Variants in VAV1 observed in about 807,000 individuals in gnomAD.
VAV1 encodes the protein vav guanine nucleotide exchange factor 1.
Under a neutral mutation model 128.1 loss-of-function variants are expected in VAV1, and 33 were observed. That is an observed-to-expected ratio of 0.26 (90% CI 0.20 to 0.34). The LOEUF (loss-of-function observed/expected upper bound fraction) is 0.34. Among genes scored for constraint, VAV1 ranks in the 10% least tolerant of loss-of-function variants. The probability of loss-of-function intolerance (pLI) is 1.00; values close to 1 mark genes in which losing one functional copy is unlikely to be tolerated. For missense variants in VAV1, 715 were observed against 1,093.7 expected (o/e 0.65, Z 4.88); for synonymous variants, 394 against 409.8 (o/e 0.96, Z 0.47).
rs1304803441 is a variant in VAV1, at chr19:6,850,599, T to C, written c.2130-71T>C. The C allele has an allele frequency of 3.3e-6, 5 of 1,500,060 alleles. No individual in the cohort carries two copies. The African/African-American group carries it at 6.9e-5, about 21-fold the overall frequency. The allele number at this position is 1,500,060 out of a possible 1,614,324, so 92.9% of individuals were successfully genotyped here. ...CCCTGAAGGGGTCAAGGTTGCTTCC[T>C]CCATAACTGGGGCTTGGTGGGGAAT... On this transcript the variant is annotated intron_variant, in intron 23 of 26. Coordinates refer to ENST00000602142, the MANE Select transcript of VAV1 (RefSeq NM_005428.4).
At position 6,828,882 on chromosome 19, in the gene VAV1, G is replaced by A. The variant is rs751028226; in HGVS notation, c.1247G>A (p.Arg416Gln). The change falls in exon 13 of 27, where the codon CGG becomes CAG. Residue 416 changes from arginine to glutamine, a missense_variant. Physicochemically the swap from Arg to Gln is conservative, Grantham distance 43. Transcript: ENST00000602142. The surrounding 1 kb of genome is among the most constrained non-coding windows in gnomAD (Gnocchi z 4.5). ...GAACTCAAGATCACCTCGGTGGAACGGCGCTCCAAGATGGACAGGTGGGTG... is the reference window on the plus strand; with the variant it reads ...GAACTCAAGATCACCTCGGTGGAACAGCGCTCCAAGATGGACAGGTGGGTG... ...DGELKITSVE[R>Q]RSKMDRYAFL... is the part of the protein sequence containing the mutation. 3 of 1,614,122 alleles carry A rather than the reference G, an allele frequency of 1.9e-6. No individual in the cohort carries two copies. Among genetic ancestry groups the A allele is most frequent in the Non-Finnish European group, 2.5e-6 (3 of 1,180,020 alleles).
intron 1 of VAV1, among the ~76,000 whole-genome samples, chr19:6,773,720 G>A (rs542321895): frequency 6.6e-6 from 1 of 152,286 alleles, no homozygotes; most frequent in South Asian, 2.1e-4. Context: ...GAGGGGTGGT[G>A]GTGGATTTGA....
At chr19:6,832,689 T>G (rs145547215) in intron 15 of VAV1, among the ~76,000 whole-genome samples, 1 of 146,714 alleles carries the variant, frequency 6.8e-6, no homozygotes, top group South Asian at 2.2e-4. Flanking sequence ...CTTCTTTCTC[T>G]TCCTCCTCCC....
chr19:6,847,417 G>A (rs1273174638), intron 22 of VAV1, among the ~76,000 whole-genome samples: 1 of 152,120 alleles, frequency 6.6e-6, no homozygotes, highest in African/African-American at 2.4e-5. Context: ...GTGTGTGGCC[G>A]TTTGTGCCTG....
intron 15 of VAV1, 106 bp from the exon 16 acceptor site, chr19:6,833,078 G>A: frequency 2.1e-6 from 2 of 930,420 alleles, no homozygotes; most frequent in South Asian, 1.9e-5. Flanking sequence ...ATGAATGAGT[G>A]GACACGCAAA....
intron 1 of VAV1, among the ~76,000 whole-genome samples, chr19:6,818,766 G>C (rs1181595751): frequency 1.3e-5 from 2 of 152,128 alleles, no homozygotes; most frequent in Non-Finnish European, 1.5e-5. Context: ...GGGAGAAGGT[G>C]GCTGTCTACT....
At chr19:6,838,593 T>C (rs956055626) in intron 21 of VAV1, among the ~76,000 whole-genome samples, 2 of 152,140 alleles carry the variant, frequency 1.3e-5, no homozygotes, top group Admixed American at 6.6e-5. Context: ...CTATCATCTG[T>C]CTATTACCTA....
intron 1 of VAV1, among the ~76,000 whole-genome samples, chr19:6,800,305 T>A (rs554993029): frequency 7.8e-6 from 1 of 128,320 alleles, no homozygotes; most frequent in African/African-American, 2.9e-5. Flanking sequence ...TTTGCTTCAC[T>A]ATCTGTCTCA....
intron 1 of VAV1, among the ~76,000 whole-genome samples, chr19:6,773,709 G>A (rs1284696073): frequency 6.6e-6 from 1 of 152,138 alleles, no homozygotes; most frequent in Non-Finnish European, 1.5e-5. Flanking sequence ...GGCCCAGGCT[G>A]GAGGGGTGGT....
At position 6,829,924 on chromosome 19, in the gene VAV1, G is replaced by A. The variant is rs748056357; in HGVS notation, c.1398+6G>A. The A allele has an allele frequency of 1.2e-6, 2 of 1,614,074 alleles. No individual in the cohort carries two copies. Among genetic ancestry groups the A allele is most frequent in the Admixed American group, 3.3e-5 (2 of 60,022 alleles). On this transcript the variant is annotated splice_donor_region_variant and intron_variant, in intron 14 of 26. Transcript: ENST00000602142. ...GAGACCGAGACAACAAGAAGGTGGGGCTTTGACGCCGGAACTATGGGGTCC... is the reference window on the plus strand; with the variant it reads ...GAGACCGAGACAACAAGAAGGTGGGACTTTGACGCCGGAACTATGGGGTCC...
intron 22 of VAV1, 41 bp from the exon 23 acceptor site, chr19:6,847,957 A>C: frequency 6.9e-7 from 1 of 1,443,454 alleles, no homozygotes; most frequent in Non-Finnish European, 9.1e-7. Flanking sequence ...GGACCCAGGC[A>C]CGGGGACCGT....
intron 1 of VAV1, among the ~76,000 whole-genome samples, chr19:6,794,980 C>T (rs1026941420): frequency 4.6e-5 from 7 of 152,140 alleles, no homozygotes; most frequent in Admixed American, 4.6e-4. Context: ...GACTGGAGCA[C>T]TTACGTGTGG....
chr19:6,797,396 G>A (rs1377243035), intron 1 of VAV1, among the ~76,000 whole-genome samples: 5 of 152,034 alleles, frequency 3.3e-5, no homozygotes, highest in African/African-American at 1.2e-4. Context: ...CATTCACTAT[G>A]TTTTATCAAG....
Position 6,777,825 on chromosome 19 carries a change from CAG to C in VAV1, c.204+4817_204+4818del, listed in dbSNP as rs1420472079. Among the ~76,000 whole-genome samples the C allele has an allele frequency of 6.6e-6, 1 of 152,098 alleles. No individual in the cohort carries two copies. The highest frequency in any genetic ancestry group is 1.5e-5 in the Non-Finnish European group (1 of 68,020). On this transcript the variant is annotated intron_variant, in intron 1 of 26. Coordinates refer to ENST00000602142, the MANE Select transcript of VAV1 (RefSeq NM_005428.4). The surrounding 1 kb of genome is among the most constrained non-coding windows in gnomAD (Gnocchi z 4.4). ...TGAATTTTGTTTTTTTTAAATGAGA[CAG>C]AGCCTTGCTGTCTCCCAGGATGGAG...
chr19:6,814,920 C>T (rs1204170854), intron 1 of VAV1, among the ~76,000 whole-genome samples: 3 of 151,644 alleles, frequency 2.0e-5, no homozygotes, highest in Non-Finnish European at 4.4e-5. Context: ...ACAGAAGTTC[C>T]CTTCCATTTT....
chr19:6,854,486 G>A (rs1354530659), intron 26 of VAV1, among the ~76,000 whole-genome samples: 1 of 152,142 alleles, frequency 6.6e-6, no homozygotes, highest in Non-Finnish European at 1.5e-5. Flanking sequence ...GCTGAGGTGG[G>A]AGGATCTCTT....
chr19:6,851,493 T>G lies in VAV1; in HGVS notation c.2217+736T>G, dbSNP rs572819241. 4.3e-4 allele frequency among the ~76,000 whole-genome samples: 66 copies of G among 152,162 alleles called. 2 individuals carry two copies. The South Asian group carries it at 6.7e-3, about 15-fold the overall frequency. On this transcript the variant is annotated intron_variant, in intron 24 of 26. Transcript: ENST00000602142. ...TACTGCATTCAGCCCTCAAATATGT[T>G]ATAGATAGAAACCTAATTAATCCCC...
intron 1 of VAV1, among the ~76,000 whole-genome samples, chr19:6,815,141 TTTTATTTATTTA>T (rs550181298): frequency 6.6e-6 from 1 of 152,030 alleles, no homozygotes; most frequent in Admixed American, 6.6e-5. Flanking sequence ...TTGCTTCTTC[TTTTATTTATTTA>T]TTTATTTATT....
chr19:6,778,675 G>A (rs1970696341), intron 1 of VAV1, among the ~76,000 whole-genome samples: 1 of 152,126 alleles, frequency 6.6e-6, no homozygotes, highest in Non-Finnish European at 1.5e-5. Flanking sequence ...GCAGTGAGCT[G>A]TGATGGCACC....
Sources: allele counts gnomAD v4.1 joint callset (sites outside exome capture counted in the v4.1 genomes callset), GRCh38; gene constraint gnomAD v4.1.1; non-coding constraint Gnocchi (gnomAD v3.1); transcripts MANE v1.5; gene names NCBI Gene and HGNC (gene_info 2026-07-23, HGNC 2026-07-21).